The following THSD7B variants were observed in gnomAD, a reference collection of about 807,000 sequenced individuals.
THSD7B encodes thrombospondin type-1 domain-containing protein 7B.
THSD7B carries 138 observed loss-of-function variants against 213.6 expected under a neutral mutation model. The observed-to-expected ratio is 0.65, with a 90% confidence interval of 0.56 to 0.74. The LOEUF (loss-of-function observed/expected upper bound fraction) is 0.74. Among genes scored for constraint, THSD7B ranks in the 30% least tolerant of loss-of-function variants. The probability of loss-of-function intolerance (pLI) is 0.00; values close to 1 mark genes in which losing one functional copy is unlikely to be tolerated. For missense variants in THSD7B, 1,931 were observed against 1,991.5 expected (o/e 0.97, Z 0.58); for synonymous variants, 742 against 687.0 (o/e 1.08, Z -1.25).
chr2:137,029,400 T>C (rs1686617573), intron 2 of THSD7B, among the ~76,000 whole-genome samples: 1 of 152,048 alleles, frequency 6.6e-6, no homozygotes, highest in Admixed American at 6.6e-5. Context: ...GGGTAAAAAA[T>C]ATCCCATTTT....
At chr2:137,378,569 C>T (rs1685711850) in intron 12 of THSD7B, among the ~76,000 whole-genome samples, 1 of 152,184 alleles carries the variant, frequency 6.6e-6, no homozygotes, top group Non-Finnish European at 1.5e-5. Flanking sequence ...AAACATCATC[C>T]ATGGGCTACA....
chr2:136,775,817 G>T (rs1023422627), intron 1 of THSD7B, among the ~76,000 whole-genome samples: 1 of 152,132 alleles, frequency 6.6e-6, no homozygotes, highest in African/African-American at 2.4e-5. Flanking sequence ...TGCATTGCTA[G>T]TTTAACTATT....
intron 10 of THSD7B, among the ~76,000 whole-genome samples, chr2:137,257,884 A>G (rs1323872210): frequency 6.6e-6 from 1 of 152,196 alleles, no homozygotes; most frequent in African/African-American, 2.4e-5. Flanking sequence ...CTTGGGTTCC[A>G]AAGTCTCTCA....
At chr2:137,428,408 C>T (rs1687105400) in intron 14 of THSD7B, among the ~76,000 whole-genome samples, 2 of 152,114 alleles carry the variant, frequency 1.3e-5, no homozygotes, top group Admixed American at 1.3e-4. Flanking sequence ...CAAAGATAAA[C>T]ATAGAATTAC....
chr2:137,372,067 G>A (rs1000470695), intron 12 of THSD7B, among the ~76,000 whole-genome samples: 4 of 152,110 alleles, frequency 2.6e-5, no homozygotes, highest in Admixed American at 6.6e-5. Context: ...TAGCTTAAGA[G>A]TGAAGTGGTC....
At chr2:137,478,418 G>A (rs994683095) in intron 15 of THSD7B, among the ~76,000 whole-genome samples, 1 of 151,976 alleles carries the variant, frequency 6.6e-6, no homozygotes, top group Non-Finnish European at 1.5e-5. Flanking sequence ...AAATTTCTGT[G>A]TGTTTTTTTG....
At chr2:137,160,091 T>C in intron 5 of THSD7B, 122 bp from the exon 6 acceptor site, 3 of 1,142,480 alleles carry the variant, frequency 2.6e-6, no homozygotes, top group Non-Finnish European at 3.6e-6. Flanking sequence ...TGATGTTTTC[T>C]TTGCATATGT....
intron 15 of THSD7B, among the ~76,000 whole-genome samples, chr2:137,491,746 G>A (rs2105123065): frequency 6.6e-6 from 1 of 152,252 alleles, no homozygotes; most frequent in South Asian, 2.1e-4. Context: ...AAAGATTTAT[G>A]TCTTCCCCAC....
chr2:136,972,459 A>G (rs887631229), intron 2 of THSD7B, among the ~76,000 whole-genome samples: 2 of 152,216 alleles, frequency 1.3e-5, no homozygotes, highest in Admixed American at 6.5e-5. Flanking sequence ...TGTTTTAAAC[A>G]ATATGCATGT....
intron 12 of THSD7B, among the ~76,000 whole-genome samples, chr2:137,372,396 G>A (rs1013373158): frequency 7.3e-6 from 1 of 136,448 alleles, no homozygotes; most frequent in Admixed American, 8.3e-5. Context: ...AGCAACCATG[G>A]CCCATGACAC....
intron 16 of THSD7B, among the ~76,000 whole-genome samples, chr2:137,568,924 T>C (rs1430208780): frequency 6.6e-6 from 1 of 152,184 alleles, no homozygotes; most frequent in Non-Finnish European, 1.5e-5. Context: ...GATGTCCACA[T>C]CCTAATTCCT....
intron 7 of THSD7B, among the ~76,000 whole-genome samples, chr2:137,212,282 T>A (rs1681128470): frequency 6.6e-6 from 1 of 152,066 alleles, no homozygotes; most frequent in Non-Finnish European, 1.5e-5. Flanking sequence ...CATTTTGTAA[T>A]GAGTGAGCTC....
chr2:137,374,496 T>A (rs1022978640), intron 12 of THSD7B, among the ~76,000 whole-genome samples: 5 of 152,204 alleles, frequency 3.3e-5, no homozygotes, highest in Admixed American at 1.3e-4. Context: ...GAGTTTCCAC[T>A]GTGCCATCTT....
chr2:137,402,946 C>T (rs1299581403), intron 12 of THSD7B, among the ~76,000 whole-genome samples: 1 of 151,776 alleles, frequency 6.6e-6, no homozygotes, highest in African/African-American at 2.4e-5. Context: ...TAAAAGTTCT[C>T]TAAATTAACT....
At chr2:137,272,855 T>A (rs533487979) in intron 11 of THSD7B, among the ~76,000 whole-genome samples, 193 bp downstream of exon 11, 1 of 152,172 alleles carries the variant, frequency 6.6e-6, no homozygotes, top group South Asian at 2.1e-4. Context: ...GAAAGTCTAA[T>A]TAACAGGGGG....
At chr2:136,951,396 G>A (rs1423755359) in intron 2 of THSD7B, among the ~76,000 whole-genome samples, 1 of 152,080 alleles carries the variant, frequency 6.6e-6, no homozygotes, top group Non-Finnish European at 1.5e-5. Flanking sequence ...TTTGAATGTA[G>A]CAAACTCTGT....
intron 15 of THSD7B, among the ~76,000 whole-genome samples, chr2:137,535,969 A>C (rs751573571): frequency 1.3e-5 from 2 of 151,076 alleles, no homozygotes; most frequent in Non-Finnish European, 3.0e-5. Flanking sequence ...AGAGTGTTGA[A>C]GATAATTTCA....
chr2:137,425,401 G>C (rs1374235848), intron 14 of THSD7B, among the ~76,000 whole-genome samples: 2 of 151,984 alleles, frequency 1.3e-5, no homozygotes, highest in African/African-American at 4.8e-5. Context: ...AATTTTAGTA[G>C]AGGTGGGGTT....
At chr2:137,031,981 AG>A (rs1686682731) in intron 2 of THSD7B, among the ~76,000 whole-genome samples, 2 of 152,054 alleles carry the variant, frequency 1.3e-5, no homozygotes, top group Non-Finnish European at 2.9e-5. Flanking sequence ...CTGGGACTAC[AG>A]GCATGCTCCA....
Sources: allele counts gnomAD v4.1 joint callset (sites outside exome capture counted in the v4.1 genomes callset), GRCh38; gene constraint gnomAD v4.1.1; transcripts MANE v1.5; gene names NCBI Gene and HGNC (gene_info 2026-07-23, HGNC 2026-07-21).